LRRC8D: variants seen among roughly 807,000 people sequenced by gnomAD.
The protein encoded by LRRC8D is leucine rich repeat containing 8 VRAC subunit D.
In LRRC8D, 20 loss-of-function variants were observed where a neutral mutation model predicts 55.8. That is an observed-to-expected ratio of 0.36 (90% CI 0.25 to 0.52). The LOEUF (loss-of-function observed/expected upper bound fraction) is 0.52, where lower values mean the gene tolerates loss of function less well. LRRC8D is among the 20% of genes least tolerant of loss of function. LRRC8D has a pLI of 0.93. For synonymous variants in LRRC8D, 352 were observed against 377.0 expected, an observed-to-expected ratio of 0.93 and a Z score of 0.77; for missense variants, 651 against 1,030.8, an observed-to-expected ratio of 0.63 and a Z score of 5.05.
At chr1:89,853,869 C>A (rs761387719) in intron 2 of LRRC8D, among the ~76,000 whole-genome samples, 1 of 152,092 alleles carries the variant, frequency 6.6e-6, no homozygotes, top group Non-Finnish European at 1.5e-5. Context: ...AGAGCACAGG[C>A]AGGAGAGCGA....
At chr1:89,923,245 A>G (rs1450801726) in intron 2 of LRRC8D, among the ~76,000 whole-genome samples, 3 of 152,222 alleles carry the variant, frequency 2.0e-5, no homozygotes, top group Non-Finnish European at 2.9e-5. Context: ...GCATAATGTA[A>G]TTATTTAAGT....
intron 1 of LRRC8D, among the ~76,000 whole-genome samples, chr1:89,836,445 C>T (rs1223052236): frequency 6.6e-6 from 1 of 152,210 alleles, no homozygotes; most frequent in Non-Finnish European, 1.5e-5. Context: ...GCCTGTGCGG[C>T]ATATTTGTAG....
At chr1:89,916,137 G>A (rs1276482696) in intron 2 of LRRC8D, among the ~76,000 whole-genome samples, 3 of 152,198 alleles carry the variant, frequency 2.0e-5, no homozygotes, top group Non-Finnish European at 2.9e-5. Context: ...AGAAATTATA[G>A]CATCATGACA....
intron 2 of LRRC8D, among the ~76,000 whole-genome samples, chr1:89,865,529 A>C (rs1488244194): frequency 6.6e-6 from 1 of 152,144 alleles, no homozygotes; most frequent in East Asian, 1.9e-4. Context: ...TTGGGTCCAA[A>C]TATGTACTTA....
intron 2 of LRRC8D, among the ~76,000 whole-genome samples, chr1:89,882,350 T>A (rs1200836445): frequency 1.3e-5 from 2 of 152,386 alleles, no homozygotes; most frequent in East Asian, 3.9e-4. Context: ...AGCTTTGCTG[T>A]TTAAGTACTA....
chr1:89,824,114 A>T (rs769899294), intron 1 of LRRC8D, among the ~76,000 whole-genome samples: 10 of 152,146 alleles, frequency 6.6e-5, no homozygotes, highest in Non-Finnish European at 1.2e-4. Context: ...TGGCTAGAGG[A>T]CAGGGATGAT....
intron 1 of LRRC8D, among the ~76,000 whole-genome samples, chr1:89,832,011 G>A (rs920143151): frequency 5.3e-5 from 8 of 152,218 alleles, no homozygotes; most frequent in African/African-American, 1.9e-4. Flanking sequence ...GTGTGAAGCA[G>A]TGTCAGCAGG....
chr1:89,821,625 C>T (rs1368531600), intron 1 of LRRC8D, among the ~76,000 whole-genome samples: 1 of 152,178 alleles, frequency 6.6e-6, no homozygotes, highest in African/African-American at 2.4e-5. Flanking sequence ...TCTCTCACCT[C>T]CCTCCGCCCT....
At chr1:89,849,411 G>C (rs907718925) in intron 2 of LRRC8D, among the ~76,000 whole-genome samples, 1 of 151,690 alleles carries the variant, frequency 6.6e-6, no homozygotes, top group Non-Finnish European at 1.5e-5. Context: ...GGATATATGC[G>C]TACTAGGAAC....
rs575071220 is a variant in LRRC8D at position 89,935,806 on chromosome 1, T to C, written c.*161T>C. 1 of 632,598 alleles carries C rather than the reference T, an allele frequency of 1.6e-6. No individual in the cohort carries two copies. The highest frequency in any genetic ancestry group is 2.5e-5 in the South Asian group (1 of 40,674). 39.2% of individuals were successfully genotyped at this position (632,598 alleles called of 1,614,324 possible). A position where few individuals can be genotyped will look rare whatever the true frequency, so the allele number is the denominator to read the frequency against. The stretch of plus-strand genomic sequence containing the variant: ...GGCTGATAGAAGACATAACTGAATG[T>C]TCAATGTTTGTAGGGTTTTAAGTCA... On this transcript the variant is annotated 3_prime_UTR_variant, in exon 3 of 3. Transcript: ENST00000337338.
At chr1:89,886,376 A>T (rs1175974355) in intron 2 of LRRC8D, among the ~76,000 whole-genome samples, 2 of 152,086 alleles carry the variant, frequency 1.3e-5, no homozygotes, top group Non-Finnish European at 2.9e-5. Flanking sequence ...TTCTTCTTAG[A>T]AGTTTAAGTA....
chr1:89,934,932 G>A lies in LRRC8D; in HGVS notation c.1864G>A (p.Gly622Ser), dbSNP rs760698030. The change falls in exon 3 of 3, where the codon GGC becomes AGC. Residue 622 changes from glycine (G) to serine (S), a missense_variant. Transcript: ENST00000337338. This position sits in a 1 kb window ranked among gnomAD's most constrained non-coding sequence, Gnocchi z 5.9. ...HLTKLVIHND[G>S]TKLLVLNSLK... ...TACAAAGTTAGTCATTCATAATGAC[G>A]GCACTAAACTCTTGGTACTGAACAG... 1.2e-5 allele frequency: 20 copies of A among 1,613,880 alleles called. No individual in the cohort carries two copies. Among genetic ancestry groups the A allele is most frequent in the Non-Finnish European group, 1.6e-5 (19 of 1,180,010 alleles).
rs771107523 is a variant in LRRC8D at position 89,933,920 on chromosome 1, C to A, written c.852C>A (p.Ala284=). 1 of 1,613,976 alleles carries A rather than the reference C, an allele frequency of 6.2e-7. No homozygotes were observed. The highest frequency in any genetic ancestry group is 8.5e-7 in the Non-Finnish European group (1 of 1,179,926). Residue 284 remains alanine, a synonymous_variant, in exon 3 of 3, where the codon GCC becomes GCA. Transcript: ENST00000337338. The surrounding 1 kb of genome is among the most constrained non-coding windows in gnomAD (Gnocchi z 7.0). ...TILDKKDGEQ[A]KALFEKVRKF... is the part of the protein sequence containing the mutation. ...TGGATAAAAAGGATGGAGAGCAGGC[C>A]AAAGCCCTGTTTGAGAAAGTGAGGA...
Position 89,935,301 on chromosome 1 carries a change from C to G in LRRC8D, c.2233C>G (p.Pro745Ala), listed in dbSNP as rs1663815150. The change falls in exon 3 of 3, where the codon CCA becomes GCA. Residue 745 changes from proline to alanine, a missense_variant. Around this residue, in one of 5 missense-constraint regions of LRRC8D, gnomAD observed 338 missense variants for 479.4 expected, o/e 0.71. Coordinates refer to ENST00000337338, the MANE Select transcript of LRRC8D (RefSeq NM_001134479.2). Reference protein sequence around the residue: ...DVSYNNISMIPIEIGLLQNLQ... With the variant: ...DVSYNNISMIAIEIGLLQNLQ... ...GAGCTACAACAACATTTCAATGATT[C>G]CAATAGAAATAGGATTGCTTCAGAA... 1.2e-6 allele frequency: 2 copies of G among 1,613,978 alleles called. No individual in the cohort carries two copies. Among genetic ancestry groups the G allele is most frequent in the East Asian group, 4.5e-5 (2 of 44,888 alleles).
rs568448024 is a variant in LRRC8D, at chr1:89,828,761, AC to A, written c.-148+7471del. Among the ~76,000 whole-genome samples, 18 of 152,188 alleles carry A rather than the reference AC, an allele frequency of 1.2e-4. No individual in the cohort carries two copies. In the South Asian group the frequency reaches 3.5e-3, roughly 30 times the overall value. On this transcript the variant is annotated intron_variant, in intron 1 of 2. Coordinates refer to ENST00000337338, the MANE Select transcript of LRRC8D (RefSeq NM_001134479.2). ...TTACAAGCATTTTTTTTTTCTTAAA[AC>A]ATTTTTTTCTTTCCTCTTATGCTTG...
At chr1:89,867,269 T>C (rs1557458738) in intron 2 of LRRC8D, among the ~76,000 whole-genome samples, 1 of 152,256 alleles carries the variant, frequency 6.6e-6, no homozygotes. Flanking sequence ...TACTTTTTCA[T>C]AAATTATGTA....
At chr1:89,831,319 C>G (rs1353197204) in intron 1 of LRRC8D, among the ~76,000 whole-genome samples, 1 of 152,194 alleles carries the variant, frequency 6.6e-6, no homozygotes, top group Non-Finnish European at 1.5e-5. Flanking sequence ...AAGCCCCGTA[C>G]TTTAATGATA....
At chr1:89,824,500 G>A (rs1317149293) in intron 1 of LRRC8D, among the ~76,000 whole-genome samples, 3 of 152,094 alleles carry the variant, frequency 2.0e-5, no homozygotes, top group Admixed American at 6.5e-5. Context: ...GGTAACTTTT[G>A]TTTAACCCCA....
At chr1:89,912,555 T>G (rs2100945486) in intron 2 of LRRC8D, among the ~76,000 whole-genome samples, 1 of 152,310 alleles carries the variant, frequency 6.6e-6, no homozygotes, top group South Asian at 2.1e-4. Flanking sequence ...TTTCCTTTTC[T>G]TTGAGACAGC....
Sources: allele counts gnomAD v4.1 joint callset (sites outside exome capture counted in the v4.1 genomes callset), GRCh38; gene constraint gnomAD v4.1.1; regional missense constraint gnomAD v4.1.1; non-coding constraint Gnocchi (gnomAD v3.1); transcripts MANE v1.5; gene names NCBI Gene and HGNC (gene_info 2026-07-23, HGNC 2026-07-21).